SMAD6: variants seen among roughly 807,000 people sequenced by gnomAD.
The protein encoded by SMAD6 is MAD homolog 6.
SMAD6 carries 103 observed loss-of-function variants against 39.4 expected under a neutral mutation model. The ratio of observed to expected loss-of-function variants is 2.62; its 90% confidence interval spans 2.23 to 3.08. The LOEUF (loss-of-function observed/expected upper bound fraction) is 3.08, where lower values mean the gene tolerates loss of function less well. SMAD6 is among the 30% of genes most tolerant of loss of function. SMAD6 has a pLI of 0.00. For synonymous variants in SMAD6, 445 were observed against 353.3 expected (o/e 1.26, Z -2.91); for missense variants, 1,104 against 742.9 (o/e 1.49, Z -5.65).
chr15:66,729,564 G>T (rs1358152562), intron 3 of SMAD6, among the ~76,000 whole-genome samples: 1 of 152,210 alleles, frequency 6.6e-6, no homozygotes, highest in East Asian at 1.9e-4. Context: ...GGGTGACAGC[G>T]TGGTGTTTTC....
At chr15:66,705,258 A>T (rs62005620) in intron 1 of SMAD6, 1 of 151,628 alleles carries the variant, frequency 6.6e-6, no homozygotes, top group African/African-American at 2.4e-5. Context: ...GTTTTGTTTG[A>T]GTGTGGAGTA....
chr15:66,703,392 C>G lies in SMAD6; in HGVS notation c.134C>G (p.Pro45Arg), dbSNP rs1027280912. The G allele has an allele frequency of 4.0e-5, 56 of 1,410,768 alleles. No individual in the cohort carries two copies. Among genetic ancestry groups the G allele is most frequent in the Non-Finnish European group, 5.1e-5 (55 of 1,081,858 alleles). 87.4% of individuals were successfully genotyped at this position (1,410,768 alleles called of 1,614,324 possible). Reference sequence around the variant, plus strand: ...GGGAGCTTGGGCAGCCGAGCTGAGCCGGCCCCGCGGGCAAGAGAGGGCGGA... The same window carrying G: ...GGGAGCTTGGGCAGCCGAGCTGAGCGGGCCCCGCGGGCAAGAGAGGGCGGA... ...EDGSLGSRAEPAPRAREGGGC... is the reference protein window; with the variant it reads ...EDGSLGSRAERAPRAREGGGC... The change falls in exon 1 of 4, where the codon CCG (proline) becomes CGG (arginine). Residue 45 changes from proline to arginine, a missense_variant. Transcript: ENST00000288840.
rs116576740 is a variant in SMAD6 at position 66,756,351 on chromosome 15, G to A, written c.953-24646G>A. On this transcript the variant is annotated intron_variant, in intron 3 of 3. Coordinates refer to ENST00000288840, the MANE Select transcript of SMAD6 (RefSeq NM_005585.5). ...TAAGGTTTAAATTACAGGCCAGCCCGTGGCTTTTCCCCTTTCTTTCAGAAT... is the reference window on the plus strand; with the variant it reads ...TAAGGTTTAAATTACAGGCCAGCCCATGGCTTTTCCCCTTTCTTTCAGAAT... Among the ~76,000 whole-genome samples the A allele has an allele frequency of 6.6e-3, 1,002 of 152,178 alleles. 9 individuals carry two copies. Among genetic ancestry groups the A allele is most frequent in the African/African-American group, 0.023 (943 of 41,494 alleles).
intron 3 of SMAD6, among the ~76,000 whole-genome samples, chr15:66,763,702 G>A (rs1022037757): frequency 6.6e-5 from 10 of 152,156 alleles, no homozygotes; most frequent in African/African-American, 2.2e-4. Flanking sequence ...AGAACCTGGG[G>A]CCCAGCTAAC....
chr15:66,730,573 C>T (rs1417078935), intron 3 of SMAD6, among the ~76,000 whole-genome samples: 1 of 152,004 alleles, frequency 6.6e-6, no homozygotes, highest in Admixed American at 6.6e-5. Flanking sequence ...TAGCATGGCC[C>T]ACCTCATGCA....
chr15:66,728,941 T>C (rs1024026312), intron 3 of SMAD6, among the ~76,000 whole-genome samples: 1 of 152,214 alleles, frequency 6.6e-6, no homozygotes, highest in African/African-American at 2.4e-5. Context: ...GGGAGTGGAA[T>C]TGCTGAGCTC....
intron 3 of SMAD6, among the ~76,000 whole-genome samples, chr15:66,761,385 C>T (rs1894196190): frequency 2.0e-5 from 3 of 152,296 alleles, no homozygotes; most frequent in South Asian, 4.1e-4. Flanking sequence ...ATTTTTGCAA[C>T]GCACATCCTT....
chr15:66,731,299 G>A (rs1279372088), intron 3 of SMAD6, among the ~76,000 whole-genome samples: 9 of 151,174 alleles, frequency 6.0e-5, no homozygotes, highest in Non-Finnish European at 8.9e-5. Flanking sequence ...TTAGCCGGGC[G>A]TAGTGGCGGG....
intron 1 of SMAD6, chr15:66,704,308 A>G (rs1181603468): frequency 7.9e-6 from 3 of 377,790 alleles, no homozygotes; most frequent in East Asian, 3.8e-5. Context: ...AAAAGGGTAC[A>G]TGTCGTAGTT....
chr15:66,719,529 C>T (rs372420837), intron 3 of SMAD6, among the ~76,000 whole-genome samples: 10 of 152,330 alleles, frequency 6.6e-5, no homozygotes, highest in East Asian at 3.9e-4. Flanking sequence ...CTGGGATGTA[C>T]GTCATCCCCA....
chr15:66,731,901 A>T (rs1291461204), intron 3 of SMAD6, among the ~76,000 whole-genome samples: 2 of 147,554 alleles, frequency 1.4e-5, no homozygotes, highest in African/African-American at 5.0e-5. Context: ...GTTTGTTTTT[A>T]TTTGAGTTAT....
chr15:66,731,369 C>T (rs922776884), intron 3 of SMAD6, among the ~76,000 whole-genome samples: 22 of 145,362 alleles, frequency 1.5e-4, no homozygotes, highest in Non-Finnish European at 2.4e-4. Context: ...ACCCGGGAGG[C>T]GGAGCTTGCA....
intron 3 of SMAD6, among the ~76,000 whole-genome samples, chr15:66,731,340 A>G (rs939356868): frequency 2.0e-5 from 3 of 149,926 alleles, no homozygotes; most frequent in African/African-American, 7.4e-5. Context: ...TGGGAGGCTG[A>G]GGCAGGAGAA....
chr15:66,710,459 C>T (rs1037893901), intron 1 of SMAD6, among the ~76,000 whole-genome samples: 5 of 152,056 alleles, frequency 3.3e-5, no homozygotes, highest in Non-Finnish European at 7.4e-5. Context: ...CTGGAAAAGC[C>T]GGGGTGGGGA....
chr15:66,739,089 CTTTTT>C (rs56853022), intron 3 of SMAD6, among the ~76,000 whole-genome samples: 1 of 135,740 alleles, frequency 7.4e-6, no homozygotes, highest in African/African-American at 2.7e-5. Context: ...TTTTCTTCTT[CTTTTT>C]TTTTTTTTTT....
At chr15:66,706,390 G>T (rs1002309780) in intron 1 of SMAD6, 1 of 152,340 alleles carries the variant, frequency 6.6e-6, no homozygotes, top group African/African-American at 2.4e-5. Flanking sequence ...CTGCTAGCCT[G>T]TGGGGCCCCC....
rs573317288 is a variant in SMAD6, at chr15:66,767,168, C to T, written c.953-13829C>T. 3.3e-5 allele frequency among the ~76,000 whole-genome samples: 5 copies of T among 152,320 alleles called. No homozygotes were observed. The East Asian group carries it at 7.7e-4, about 24-fold the overall frequency. ...GTGGGCCATGGGGTAGTCACCAAAC[C>T]TCTGTGAGCTTTATATTCCATAAGC... On this transcript the variant is annotated intron_variant, in intron 3 of 3. Transcript: ENST00000288840.
At chr15:66,711,529 G>A in intron 1 of SMAD6, 139 bp from the exon 2 acceptor site, 3 of 722,242 alleles carry the variant, frequency 4.2e-6, no homozygotes, top group Non-Finnish European at 7.6e-6. Context: ...GGGGATTTGG[G>A]CAGCAGAGGA....
rs762693060 is a variant in SMAD6, at chr15:66,781,466, C to A, written c.1422C>A (p.Pro474=). ...VRISFAKGWG[P]CYSRQFITSC... ...TCAGCTTCGCCAAGGGCTGGGGGCC[C>A]TGCTACTCCCGGCAGTTCATCACCT... The change falls in exon 4 of 4, where the codon CCC becomes CCA. Residue 474 remains proline, a synonymous_variant. Transcript: ENST00000288840. 10 of 1,603,112 alleles carry A rather than the reference C, an allele frequency of 6.2e-6. No individual in the cohort carries two copies. Among genetic ancestry groups the A allele is most frequent in the Non-Finnish European group, 6.8e-6 (8 of 1,177,214 alleles).
Sources: allele counts gnomAD v4.1 joint callset (sites outside exome capture counted in the v4.1 genomes callset), GRCh38; gene constraint gnomAD v4.1.1; transcripts MANE v1.5; gene names NCBI Gene and HGNC (gene_info 2026-07-23, HGNC 2026-07-21).